NCOA5: variants seen among roughly 807,000 people sequenced by gnomAD.
NCOA5 encodes the protein nuclear receptor coactivator 5.
Under a neutral mutation model 59.0 loss-of-function variants are expected in NCOA5, and 12 were observed. That is an observed-to-expected ratio of 0.20 (90% CI 0.13 to 0.33). The LOEUF is 0.33. Ranked by LOEUF, NCOA5 falls within the 10% of genes least tolerant of loss-of-function variation. The pLI, the probability that NCOA5 is intolerant of heterozygous loss-of-function variation, is 1.00. For synonymous variants in NCOA5, 270 were observed against 275.5 expected, an observed-to-expected ratio of 0.98 and a Z score of 0.20; for missense variants, 655 against 766.6, an observed-to-expected ratio of 0.85 and a Z score of 1.72.
chr20:46,061,416 AAG>A lies in NCOA5; in HGVS notation c.*882_*883del, dbSNP rs1231602719. On this transcript the variant is annotated 3_prime_UTR_variant, in exon 8 of 8. Transcript: ENST00000290231. The stretch of plus-strand genomic sequence containing the variant: ...CCTCCTGCTGCTCAGGAAACAGAAT[AAG>A]AGTCTAGACAAAAACAAGAGCCTGG... 2 of 152,648 alleles carry A rather than the reference AAG, an allele frequency of 1.3e-5. No individual in the cohort carries two copies. Among genetic ancestry groups the A allele is most frequent in the African/African-American group, 2.4e-5 (1 of 41,450 alleles). 9.5% of individuals were successfully genotyped at this position (152,648 alleles called of 1,614,324 possible). A position where few individuals can be genotyped will look rare whatever the true frequency, so the allele number is the denominator to read the frequency against.
intron 1 of NCOA5, among the ~76,000 whole-genome samples, chr20:46,086,197 T>G (rs992467034): frequency 1.1e-4 from 17 of 152,176 alleles, no homozygotes; most frequent in African/African-American, 3.9e-4. Flanking sequence ...TTTACAGAGC[T>G]AAAGGTATAA....
Position 46,062,172 on chromosome 20 carries a change from T to C in NCOA5, c.*128A>G, listed in dbSNP as rs1208352116. On this transcript the variant is annotated 3_prime_UTR_variant, in exon 8 of 8. Transcript: ENST00000290231. ...CTTGGGCAGAAGAGAGAGCAGGTGG[T>C]AGAAATTGATGACACTCGATGCCGG... is the stretch of plus-strand genomic sequence containing the variant. 3.0e-6 allele frequency: 2 copies of C among 670,992 alleles called. No individual in the cohort carries two copies. The highest frequency in any genetic ancestry group is 1.8e-5 in the African/African-American group (1 of 55,124). The allele number at this position is 670,992 out of a possible 1,614,324, so 41.6% of individuals were successfully genotyped here.
At chr20:46,088,512 A>G (rs549682392) in intron 1 of NCOA5, among the ~76,000 whole-genome samples, 59 of 152,378 alleles carry the variant, frequency 3.9e-4, no homozygotes, top group African/African-American at 1.3e-3. Flanking sequence ...TAGAGAAAAC[A>G]TTAAATTAAG....
At chr20:46,077,164 C>G (rs2084946788) in intron 2 of NCOA5, among the ~76,000 whole-genome samples, 1 of 152,220 alleles carries the variant, frequency 6.6e-6, no homozygotes, top group African/African-American at 2.4e-5. Context: ...CCCACCTCGT[C>G]CTCCCAAAGT....
intron 7 of NCOA5, 86 bp downstream of exon 7, chr20:46,063,274 C>G (rs542386839): frequency 1.4e-6 from 2 of 1,413,828 alleles, no homozygotes; most frequent in East Asian, 4.8e-5. Flanking sequence ...TCCAAAGAGC[C>G]CTGGGCCTGA....
chr20:46,082,514 C>T (rs1015025701), intron 1 of NCOA5, among the ~76,000 whole-genome samples: 1 of 152,166 alleles, frequency 6.6e-6, no homozygotes, highest in African/African-American at 2.4e-5. Flanking sequence ...AGGGAAGAAA[C>T]GGTACTTCTT....
At position 46,079,830 on chromosome 20, in the gene NCOA5, GA is replaced by G. The variant is rs2084973005; in HGVS notation, c.-29-378del. Among the ~76,000 whole-genome samples the G allele has an allele frequency of 5.3e-5, 8 of 152,138 alleles. No individual in the cohort carries two copies. The South Asian group carries it at 1.7e-3, about 32-fold the overall frequency. On this transcript the variant is annotated intron_variant, in intron 1 of 7. Coordinates refer to ENST00000290231, the MANE Select transcript of NCOA5 (RefSeq NM_020967.3). Reference sequence around the variant, plus strand: ...TTTTTGTGAGGAAGAAAGTGGGGGGGAAGATAAGGAGAGTTTAAAAAACAAA... The same window carrying G: ...TTTTTGTGAGGAAGAAAGTGGGGGGGAGATAAGGAGAGTTTAAAAAACAAA...
rs951201112 is a variant in NCOA5, at chr20:46,061,448, T to C, written c.*852A>G. On this transcript the variant is annotated 3_prime_UTR_variant, in exon 8 of 8. Transcript: ENST00000290231. ...TAGACAAAAACAAGAGCCTGGGGTTTTGAGCCAAAAGCCCAAAACAAATCA... is the reference window on the plus strand; with the variant it reads ...TAGACAAAAACAAGAGCCTGGGGTTCTGAGCCAAAAGCCCAAAACAAATCA... 4 of 152,414 alleles carry C rather than the reference T, an allele frequency of 2.6e-5. No homozygotes were observed. The highest frequency in any genetic ancestry group is 9.7e-5 in the African/African-American group (4 of 41,338). 9.4% of individuals were successfully genotyped at this position (152,414 alleles called of 1,614,324 possible).
chr20:46,067,904 G>A (rs1213131725), intron 4 of NCOA5, among the ~76,000 whole-genome samples: 7 of 151,650 alleles, frequency 4.6e-5, no homozygotes, highest in African/African-American at 7.3e-5. Flanking sequence ...AGCACTTAAT[G>A]TCTTCAGCTC....
chr20:46,079,825 G>C (rs2084972920), intron 1 of NCOA5, among the ~76,000 whole-genome samples: 1 of 152,072 alleles, frequency 6.6e-6, no homozygotes, highest in Non-Finnish European at 1.5e-5. Flanking sequence ...GAAGAAAGTG[G>C]GGGGGAAGAT....
chr20:46,061,420 G>A lies in NCOA5; in HGVS notation c.*880C>T, dbSNP rs142624328. On this transcript the variant is annotated 3_prime_UTR_variant, in exon 8 of 8. Transcript: ENST00000290231. ...CTGCTGCTCAGGAAACAGAATAAGA[G>A]TCTAGACAAAAACAAGAGCCTGGGG... 1 of 152,736 alleles carries A rather than the reference G, an allele frequency of 6.5e-6. No homozygotes were observed. The highest frequency in any genetic ancestry group is 1.5e-5 in the Non-Finnish European group (1 of 68,034). The allele number at this position is 152,736 out of a possible 1,614,324, so 9.5% of individuals were successfully genotyped here.
rs1278604473 is a variant in NCOA5, at chr20:46,062,279, G to A, written c.*21C>T. The A allele has an allele frequency of 6.3e-7, 1 of 1,590,360 alleles. No homozygotes were observed. Among genetic ancestry groups the A allele is most frequent in the Admixed American group, 1.7e-5 (1 of 58,778 alleles). On this transcript the variant is annotated 3_prime_UTR_variant, in exon 8 of 8. Transcript: ENST00000290231. ...GGAGGCCAGGGGATGAGGGGACTGG[G>A]GAGAGTTGAAAGATTTAGCTTCAGT...
intron 1 of NCOA5, among the ~76,000 whole-genome samples, chr20:46,089,163 T>C (rs1046661845): frequency 1.1e-4 from 16 of 151,988 alleles, no homozygotes; most frequent in African/African-American, 3.9e-4. Context: ...CGCCGGGAGC[T>C]TGGAAAGCCG....
chr20:46,076,567 CTT>C (rs111295797), intron 2 of NCOA5, among the ~76,000 whole-genome samples: 4 of 137,430 alleles, frequency 2.9e-5, no homozygotes, highest in Non-Finnish European at 1.6e-5. Flanking sequence ...TTAAATTTGT[CTT>C]TTTTTTTTTT....
At chr20:46,063,308 A>G (rs778419648) in intron 7 of NCOA5, 52 bp downstream of exon 7, 3 of 1,568,550 alleles carry the variant, frequency 1.9e-6, no homozygotes, top group East Asian at 2.2e-5. Flanking sequence ...GAGCCTGGGG[A>G]TTAGAGAAAT....
intron 1 of NCOA5, among the ~76,000 whole-genome samples, chr20:46,087,095 G>A (rs7271670): frequency 0.15 from 23,425 of 152,164 alleles, 1,967 homozygotes; most frequent in South Asian, 0.26. Context: ...TAGTTTATCA[G>A]TCTCATAAGA....
intron 4 of NCOA5, 145 bp downstream of exon 4, chr20:46,068,354 CTAA>C (rs1290785037): frequency 2.8e-6 from 2 of 709,768 alleles, no homozygotes; most frequent in Non-Finnish European, 4.2e-6. Context: ...TCTTTACCCA[CTAA>C]TAAGCTACTT....
intron 2 of NCOA5, among the ~76,000 whole-genome samples, chr20:46,078,903 A>G (rs2084965694): frequency 6.6e-6 from 1 of 152,216 alleles, no homozygotes; most frequent in Admixed American, 6.5e-5. Flanking sequence ...AGATAACCCA[A>G]GTATGTAAGC....
chr20:46,077,262 CG>C (rs1568885087), intron 2 of NCOA5, among the ~76,000 whole-genome samples: 2 of 152,058 alleles, frequency 1.3e-5, no homozygotes, highest in East Asian at 3.9e-4. Context: ...TTTGTTTGTG[CG>C]GGGACTATTA....
Sources: gnomAD v4.1 joint callset for allele counts (sites outside exome capture counted in the v4.1 genomes callset) on GRCh38, gnomAD v4.1.1 for gene constraint, MANE v1.5 for transcripts, NCBI Gene and HGNC (gene_info 2026-07-23, HGNC 2026-07-21) for gene names.